SART3: variants seen among roughly 807,000 people sequenced by gnomAD.
SART3 encodes spliceosome associated factor 3, U4/U6 recycling protein.
A neutral mutation model predicts 122.3 loss-of-function variants in SART3; 44 were observed. That is an observed-to-expected ratio of 0.36 (90% CI 0.28 to 0.46). SART3 has a LOEUF of 0.46. SART3 is among the 20% of genes least tolerant of loss of function. SART3 has a pLI of 1.00. For missense variants in SART3, 1,101 were observed against 1,229.0 expected (o/e 0.90, Z 1.56); for synonymous variants, 442 against 454.0 (o/e 0.97, Z 0.34).
intron 1 of SART3, 69 bp downstream of exon 1, chr12:108,560,774 C>A: frequency 7.1e-7 from 1 of 1,404,398 alleles, no homozygotes. Context: ...ACTAGGGAGG[C>A]GGGCCAGGAC....
At chr12:108,524,869 T>A in intron 17 of SART3, 1 of 361,108 alleles carries the variant, frequency 2.8e-6, no homozygotes, top group South Asian at 2.6e-5. Context: ...GGTGCCCAGG[T>A]GAGCCCTCGT....
At chr12:108,532,113 G>A in intron 13 of SART3, 109 bp downstream of exon 13, 1 of 874,448 alleles carries the variant, frequency 1.1e-6, no homozygotes, top group Non-Finnish European at 1.9e-6. Context: ...CACCACCTAA[G>A]GTGGCAGCAT....
At chr12:108,555,103 T>C (rs1004035216) in intron 1 of SART3, among the ~76,000 whole-genome samples, 3 of 152,188 alleles carry the variant, frequency 2.0e-5, no homozygotes, top group Non-Finnish European at 4.4e-5. Flanking sequence ...GAGTTGTATA[T>C]ATGCAAATGA....
chr12:108,545,228 G>A lies in SART3; in HGVS notation c.640C>T (p.Leu214Phe). 1 of 1,614,124 alleles carries A rather than the reference G, an allele frequency of 6.2e-7. No homozygotes were observed. The highest frequency in any genetic ancestry group is 8.5e-7 in the Non-Finnish European group (1 of 1,180,016). ...EKVRSVFERALSSVGLHMTKG... is the reference protein window; with the variant it reads ...EKVRSVFERAFSSVGLHMTKG... ...GTCATATGTAAACCAACAGACGAGA[G>A]AGCCCTTTCAAACACGGAGCGAACT... is the stretch of plus-strand genomic sequence containing the variant. The change falls in exon 4 of 19, where the codon CTC (leucine) becomes TTC (phenylalanine). Residue 214 changes from leucine (L) to phenylalanine (F), a missense_variant. Transcript: ENST00000546815.
chr12:108,559,664 CAAAAAAAAAAAAA>C (rs35159668), intron 1 of SART3, among the ~76,000 whole-genome samples: 9 of 79,760 alleles, frequency 1.1e-4, no homozygotes, highest in Non-Finnish European at 2.0e-4. Flanking sequence ...GACTCTGTCT[CAAAAAAAAAAAAA>C]AAAAAAAAAA....
At chr12:108,530,420 A>C (rs1342035012) in intron 14 of SART3, 110 bp from the exon 15 acceptor site, 1 of 1,269,806 alleles carries the variant, frequency 7.9e-7, no homozygotes, top group Non-Finnish European at 1.1e-6. Context: ...TGAAAAGCAG[A>C]GATCAGGAGA....
chr12:108,524,105 G>A, intron 18 of SART3: 1 of 606,862 alleles, frequency 1.6e-6, no homozygotes, highest in Non-Finnish European at 2.9e-6. Context: ...GTGTAAATTG[G>A]CCAGTACCAG....
At position 108,554,712 on chromosome 12, in the gene SART3, A is replaced by G. The variant is rs879500362; in HGVS notation, c.313-5498T>C. Among the ~76,000 whole-genome samples the G allele has an allele frequency of 2.4e-4, 36 of 149,584 alleles. 1 individual carries two copies. The highest frequency in any genetic ancestry group is 3.0e-4 in the Non-Finnish European group (20 of 67,488). The stretch of plus-strand genomic sequence containing the variant: ...TTTAGTAAATTTAATAATACATTAA[A>G]ATTCCTTTTAAAAAACACAAAAAAC... On this transcript the variant is annotated intron_variant, in intron 1 of 18. Coordinates refer to ENST00000546815, the MANE Select transcript of SART3 (RefSeq NM_014706.4).
chr12:108,525,085 C>G (rs1872310675), intron 17 of SART3, among the ~76,000 whole-genome samples: 1 of 152,134 alleles, frequency 6.6e-6, no homozygotes, highest in Admixed American at 6.5e-5. Context: ...CTCAAGGGGC[C>G]TGGTTGGAGG....
intron 11 of SART3, among the ~76,000 whole-genome samples, chr12:108,536,031 G>A (rs1196011280): frequency 3.9e-5 from 6 of 152,118 alleles, no homozygotes; most frequent in African/African-American, 9.7e-5. Flanking sequence ...GGGAGGTTCC[G>A]TGTCTTACTG....
chr12:108,531,014 T>C (rs1872658355), intron 14 of SART3, among the ~76,000 whole-genome samples, 190 bp downstream of exon 14: 1 of 152,216 alleles, frequency 6.6e-6, no homozygotes, highest in African/African-American at 2.4e-5. Context: ...GTACTTAATA[T>C]TGGGGCTGAT....
chr12:108,545,090 A>C, intron 4 of SART3, 49 bp downstream of exon 4: 2 of 1,531,322 alleles, frequency 1.3e-6, no homozygotes, highest in Non-Finnish European at 1.8e-6. Flanking sequence ...TTCCAAGGAG[A>C]CTTACAAAGA....
intron 2 of SART3, 95 bp from the exon 3 acceptor site, chr12:108,548,086 TCTTACACAAC>T (rs1873515552): frequency 1.9e-6 from 2 of 1,053,556 alleles, no homozygotes; most frequent in Non-Finnish European, 2.9e-6. Context: ...GTTTCATCCA[TCTTACACAAC>T]CTGGCGTTGT....
Position 108,525,443 on chromosome 12 carries a change from G to A in SART3, c.2523+14C>T, listed in dbSNP as rs1872325571. ...AAGCCTTGAAGACAAGGCACAATCT[G>A]CTCTGACTCTGACCTTTGGTTTGCC... On this transcript the variant is annotated intron_variant, in intron 17 of 18. Transcript: ENST00000546815. 1.9e-6 allele frequency: 3 copies of A among 1,613,924 alleles called. No individual in the cohort carries two copies. The highest frequency in any genetic ancestry group is 2.5e-6 in the Non-Finnish European group (3 of 1,180,004).
chr12:108,542,515 A>G (rs190486859), intron 6 of SART3, among the ~76,000 whole-genome samples: 5 of 147,344 alleles, frequency 3.4e-5, no homozygotes, highest in Non-Finnish European at 7.7e-5. Context: ...CTATCCAGCA[A>G]CATGGATAAA....
chr12:108,559,547 C>G lies in SART3; in HGVS notation c.312+1296G>C, dbSNP rs143132411. ...CGGGCGCAATGGTGCGTGCCTGGATCCCAGCTACTGGGGAGGCTGAGGCAG... is the reference window on the plus strand; with the variant it reads ...CGGGCGCAATGGTGCGTGCCTGGATGCCAGCTACTGGGGAGGCTGAGGCAG... On this transcript the variant is annotated intron_variant, in intron 1 of 18. Transcript: ENST00000546815. Among the ~76,000 whole-genome samples the G allele has an allele frequency of 2.2e-3, 329 of 151,798 alleles. 1 individual carries two copies. The highest frequency in any genetic ancestry group is 7.7e-3 in the African/African-American group (317 of 41,394).
chr12:108,543,921 G>A (rs947960870), intron 5 of SART3, among the ~76,000 whole-genome samples: 1 of 152,130 alleles, frequency 6.6e-6, no homozygotes, highest in African/African-American at 2.4e-5. Context: ...ACCAAATAAG[G>A]AAACTCTTTA....
intron 6 of SART3, among the ~76,000 whole-genome samples, chr12:108,541,703 T>C (rs1873170682): frequency 6.6e-6 from 1 of 151,822 alleles, no homozygotes; most frequent in Non-Finnish European, 1.5e-5. Context: ...CATGCCCAGC[T>C]AATTTTTTGT....
rs113260715 is a variant in SART3 at position 108,530,380 on chromosome 12, A to C, written c.1747-70T>G. 5.5e-4 allele frequency: 846 copies of C among 1,546,154 alleles called. 1 individual carries two copies. The African/African-American group carries it at 9.6e-3, about 18-fold the overall frequency. On this transcript the variant is annotated intron_variant, in intron 14 of 18. Transcript: ENST00000546815. ...ATTCACTGTACTGATTTGTCATGAA[A>C]GGGGAGAAGGAGTGGAAATTCATTA...
Sources: gnomAD v4.1 joint callset for allele counts (sites outside exome capture counted in the v4.1 genomes callset) on GRCh38, gnomAD v4.1.1 for gene constraint, MANE v1.5 for transcripts, NCBI Gene and HGNC (gene_info 2026-07-23, HGNC 2026-07-21) for gene names.